The following TEX14 variants were observed in gnomAD, a reference collection of about 807,000 sequenced individuals.
TEX14 encodes the protein testis expressed 14, intercellular bridge forming factor.
TEX14 carries 168 observed loss-of-function variants against 178.6 expected under a neutral mutation model. The observed-to-expected ratio is 0.94, with a 90% CI of 0.83 to 1.07. TEX14 has a LOEUF of 1.07. Among genes scored for constraint, TEX14 ranks in the 50% least tolerant of loss-of-function variants. The pLI, the probability that TEX14 is intolerant of heterozygous loss-of-function variation, is 0.00. For missense variants in TEX14, 1,730 were observed against 1,753.6 expected (o/e 0.99, Z 0.24); for synonymous variants, 626 against 634.1 (o/e 0.99, Z 0.19).
chr17:58,577,576 C>T (rs2044709970), intron 20 of TEX14, 120 bp from the exon 21 acceptor site: 2 of 361,840 alleles, frequency 5.5e-6, no homozygotes, highest in Non-Finnish European at 9.3e-6. Flanking sequence ...TAGAAATAAT[C>T]TGGATAAACA....
At chr17:58,605,278 G>T in intron 10 of TEX14, 149 bp from the exon 11 acceptor site, 1 of 859,250 alleles carries the variant, frequency 1.2e-6, no homozygotes, top group Non-Finnish European at 1.7e-6. Context: ...TGCAACCTCT[G>T]CCACCTCCCG....
intron 21 of TEX14, among the ~76,000 whole-genome samples, chr17:58,577,099 T>C (rs1453615832): frequency 6.6e-6 from 1 of 152,180 alleles, no homozygotes; most frequent in Non-Finnish European, 1.5e-5. Flanking sequence ...AGGATTCTTA[T>C]CCCTGCTTCA....
At chr17:58,585,612 T>G (rs368274444) in intron 18 of TEX14, among the ~76,000 whole-genome samples, 189 bp downstream of exon 18, 4 of 120,912 alleles carry the variant, frequency 3.3e-5, no homozygotes, top group African/African-American at 1.1e-4. Context: ...CAGCTAATGT[T>G]TTTTTTTTTT....
intron 1 of TEX14, among the ~76,000 whole-genome samples, chr17:58,682,544 C>T (rs2047518186): frequency 6.6e-6 from 1 of 152,130 alleles, no homozygotes; most frequent in Admixed American, 6.6e-5. Flanking sequence ...AGGTGTGAGC[C>T]ACCACGACCA....
At chr17:58,581,225 C>T (rs1446122536) in intron 19 of TEX14, among the ~76,000 whole-genome samples, 4 of 151,586 alleles carry the variant, frequency 2.6e-5, no homozygotes, top group East Asian at 1.9e-4. Flanking sequence ...GCAGGAGAAT[C>T]GCTTGAACCC....
At chr17:58,604,920 G>C in intron 11 of TEX14, 58 bp downstream of exon 11, 2 of 1,581,758 alleles carry the variant, frequency 1.3e-6, no homozygotes, top group Non-Finnish European at 1.7e-6. Flanking sequence ...CCTGTGGGGG[G>C]AGAAAAATGC....
intron 15 of TEX14, among the ~76,000 whole-genome samples, chr17:58,588,866 G>A (rs2045047471): frequency 6.6e-6 from 1 of 152,088 alleles, no homozygotes; most frequent in African/African-American, 2.4e-5. Flanking sequence ...GGAGGTCAAG[G>A]CCAGCTTGTA....
intron 14 of TEX14, among the ~76,000 whole-genome samples, chr17:58,597,448 G>A (rs780151362): frequency 1.2e-4 from 18 of 151,984 alleles, no homozygotes; most frequent in African/African-American, 2.7e-4. Context: ...ACTCTTAAGC[G>A]GAGAATTCTA....
chr17:58,626,569 C>CAA (rs11327030), intron 3 of TEX14, among the ~76,000 whole-genome samples: 22 of 33,640 alleles, frequency 6.5e-4, no homozygotes, highest in East Asian at 2.0e-3. Flanking sequence ...GACTCCATCT[C>CAA]AAAAAAAAAA....
chr17:58,626,742 G>A (rs531185112), intron 3 of TEX14, among the ~76,000 whole-genome samples: 7 of 151,992 alleles, frequency 4.6e-5, no homozygotes, highest in Non-Finnish European at 1.0e-4. Context: ...GTGGTGGCAC[G>A]CGCCTGTAGT....
chr17:58,603,727 G>T (rs1458245178), intron 11 of TEX14, among the ~76,000 whole-genome samples: 2 of 150,340 alleles, frequency 1.3e-5, no homozygotes, highest in East Asian at 3.9e-4. Context: ...GGTGGCACGC[G>T]CCTGTAGTCC....
intron 1 of TEX14, among the ~76,000 whole-genome samples, chr17:58,656,146 C>T (rs891595453): frequency 6.6e-6 from 1 of 151,826 alleles, no homozygotes; most frequent in Non-Finnish European, 1.5e-5. Context: ...ACAAAAAGTA[C>T]GAAAATTAGC....
At chr17:58,585,388 A>C (rs1444392020) in intron 18 of TEX14, among the ~76,000 whole-genome samples, 3 of 152,126 alleles carry the variant, frequency 2.0e-5, no homozygotes, top group Non-Finnish European at 4.4e-5. Flanking sequence ...AGAGAGGACC[A>C]AACCAAAAAA....
At chr17:58,628,198 G>A (rs2046194224) in intron 3 of TEX14, among the ~76,000 whole-genome samples, 1 of 152,034 alleles carries the variant, frequency 6.6e-6, no homozygotes, top group South Asian at 2.1e-4. Context: ...CATACTGATT[G>A]GCTTTTTTCT....
Position 58,564,878 on chromosome 17 carries a change from T to A in TEX14, c.4055A>T (p.Asp1352Val). 6.3e-7 allele frequency: 1 copy of A among 1,592,214 alleles called. No individual in the cohort carries two copies. Among genetic ancestry groups the A allele is most frequent in the Non-Finnish European group, 8.6e-7 (1 of 1,165,602 alleles). The change falls in exon 28 of 32, where the codon GAC (aspartate) becomes GTC (valine). Residue 1352 changes from aspartate to valine, a missense_variant. Coordinates refer to ENST00000349033, the MANE Select transcript of TEX14 (RefSeq NM_031272.5). ...LSKETEDLGE[D>V]TERAHSTLDE... ...CAGCTTTTCCTGTTACCTCTCTGTG[T>A]CCTCTCCAAGATCTTCAGTTTCTTT...
chr17:58,621,008 G>A (rs1216806122), intron 5 of TEX14, among the ~76,000 whole-genome samples: 1 of 152,158 alleles, frequency 6.6e-6, no homozygotes, highest in African/African-American at 2.4e-5. Flanking sequence ...CAGCTACCCT[G>A]CTTACAGAAA....
In TEX14 at chr17:58,585,698, C is replaced by T. The variant is rs183191058; in HGVS notation, c.3070+103G>A. The T allele has an allele frequency of 1.2e-3, 1,461 of 1,207,318 alleles. 2 individuals are homozygous for T. The highest frequency in any genetic ancestry group is 1.5e-3 in the Non-Finnish European group (1,270 of 859,752). The allele number at this position is 1,207,318 out of a possible 1,614,324, so 74.8% of individuals were successfully genotyped here. Reference sequence around the variant, plus strand: ...CCCAAATTCCTGGGCTCAGGTGATCCGCTCGCCTCACCTCCCAAAGTGCTG... The same window carrying T: ...CCCAAATTCCTGGGCTCAGGTGATCTGCTCGCCTCACCTCCCAAAGTGCTG... On this transcript the variant is annotated intron_variant, in intron 18 of 31. Coordinates refer to ENST00000349033, the MANE Select transcript of TEX14 (RefSeq NM_031272.5).
At chr17:58,659,978 T>C (rs2047074547) in intron 1 of TEX14, among the ~76,000 whole-genome samples, 1 of 150,246 alleles carries the variant, frequency 6.7e-6, no homozygotes, top group African/African-American at 2.4e-5. Flanking sequence ...ATTACAGACA[T>C]AAGCCACCGC....
intron 1 of TEX14, among the ~76,000 whole-genome samples, chr17:58,678,845 A>AATAATAAT (rs1170311059): frequency 6.8e-6 from 1 of 148,014 alleles, no homozygotes; most frequent in African/African-American, 2.5e-5. Context: ...TAATAATAAT[A>AATAATAAT]ATAATAATAA....
Sources: gnomAD v4.1 joint callset for allele counts (sites outside exome capture counted in the v4.1 genomes callset) on GRCh38, gnomAD v4.1.1 for gene constraint, MANE v1.5 for transcripts, NCBI Gene and HGNC (gene_info 2026-07-23, HGNC 2026-07-21) for gene names.